MAPKAP1: variants seen among roughly 807,000 people sequenced by gnomAD.
MAPKAP1 encodes the protein target of rapamycin complex 2 subunit MAPKAP1.
Under a neutral mutation model 65.7 loss-of-function variants are expected in MAPKAP1, and 20 were observed. That is an observed-to-expected ratio of 0.30 (90% CI 0.21 to 0.44). The LOEUF (loss-of-function observed/expected upper bound fraction) is 0.44. Ranked by LOEUF, MAPKAP1 falls within the 20% of genes least tolerant of loss-of-function variation. The probability of loss-of-function intolerance (pLI) is 1.00; values close to 1 mark genes in which losing one functional copy is unlikely to be tolerated. For synonymous variants in MAPKAP1, 222 were observed against 244.3 expected, an observed-to-expected ratio of 0.91 and a Z score of 0.85; for missense variants, 423 against 648.0, an observed-to-expected ratio of 0.65 and a Z score of 3.77.
chr9:125,622,003 G>A (rs1004408311), intron 4 of MAPKAP1, among the ~76,000 whole-genome samples: 1 of 152,156 alleles, frequency 6.6e-6, no homozygotes, highest in African/African-American at 2.4e-5. Flanking sequence ...GAGTCTGGAG[G>A]ACATTATGTT....
At chr9:125,441,610 C>T (rs1202360707) in intron 11 of MAPKAP1, among the ~76,000 whole-genome samples, 1 of 152,152 alleles carries the variant, frequency 6.6e-6, no homozygotes, top group Non-Finnish European at 1.5e-5. Context: ...CAATTTCCAT[C>T]TAAGCTCTCA....
chr9:125,468,812 T>C lies in MAPKAP1; in HGVS notation c.1208-703A>G, dbSNP rs571436852. On this transcript the variant is annotated intron_variant, in intron 9 of 11. Coordinates refer to ENST00000265960, the MANE Select transcript of MAPKAP1 (RefSeq NM_001006617.3). ...GGGTGTGAGTTTTACGCAACAGGAA[T>C]CCAGAATGTTCAATACTGGCACTTC... is the stretch of plus-strand genomic sequence containing the variant. Among the ~76,000 whole-genome samples, 11 of 152,294 alleles carry C rather than the reference T, an allele frequency of 7.2e-5. 1 individual carries two copies. Among genetic ancestry groups the C allele is most frequent in the African/African-American group, 2.6e-4 (11 of 41,554 alleles).
intron 5 of MAPKAP1, among the ~76,000 whole-genome samples, chr9:125,566,106 G>A (rs188883045): frequency 1.3e-3 from 199 of 152,298 alleles, no homozygotes; most frequent in Admixed American, 3.1e-3. Context: ...GGCATGGCAA[G>A]GGTAGAGAAT....
At chr9:125,646,371 G>A (rs550823320) in intron 4 of MAPKAP1, among the ~76,000 whole-genome samples, 2 of 152,266 alleles carry the variant, frequency 1.3e-5, no homozygotes, top group East Asian at 3.9e-4. Context: ...GAGGCCATGA[G>A]TCTCACAAAT....
At chr9:125,464,204 T>TTAAAAAAAAAAAAA (rs1554805633) in intron 10 of MAPKAP1, among the ~76,000 whole-genome samples, 1 of 83,300 alleles carries the variant, frequency 1.2e-5, no homozygotes, top group Non-Finnish European at 2.3e-5. Context: ...TCTCATATAT[T>TTAAAAAAAAAAAAA]AAAAAAAAAA....
At chr9:125,588,382 G>A (rs1287394413) in intron 4 of MAPKAP1, among the ~76,000 whole-genome samples, 2 of 152,144 alleles carry the variant, frequency 1.3e-5, no homozygotes, top group Admixed American at 1.3e-4. Context: ...GTAGATTAGC[G>A]GTTGGCAGAA....
At chr9:125,655,056 T>C (rs1031750286) in intron 4 of MAPKAP1, among the ~76,000 whole-genome samples, 4 of 152,110 alleles carry the variant, frequency 2.6e-5, no homozygotes, top group South Asian at 2.1e-4. Flanking sequence ...TTGTGAATAT[T>C]TGGAGGGGGA....
At chr9:125,513,160 C>T (rs1829357493) in intron 7 of MAPKAP1, 1 of 152,322 alleles carries the variant, frequency 6.6e-6, no homozygotes, top group South Asian at 2.1e-4. Context: ...CCTCCCATAT[C>T]AGCCTCCTGA....
chr9:125,589,474 G>A (rs1672483945), intron 4 of MAPKAP1, among the ~76,000 whole-genome samples: 1 of 152,182 alleles, frequency 6.6e-6, no homozygotes, highest in African/African-American at 2.4e-5. Flanking sequence ...TGACTCCAGT[G>A]CCTGCCAGGA....
At position 125,707,102 on chromosome 9, in the gene MAPKAP1, C is replaced by T. The variant is rs1358085583; in HGVS notation, c.-201G>A. The T allele has an allele frequency of 2.5e-6, 1 of 398,178 alleles. No individual in the cohort carries two copies. Among genetic ancestry groups the T allele is most frequent in the Non-Finnish European group, 4.4e-6 (1 of 225,840 alleles). The allele number at this position is 398,178 out of a possible 1,614,324, so 24.7% of individuals were successfully genotyped here. ...TCGGGATCCACGGGGACCGGCGCTC[C>T]TCCCGGCCCGCTCAGCTGCCGCTTC... is the stretch of plus-strand genomic sequence containing the variant. On this transcript the variant is annotated 5_prime_UTR_variant, in exon 1 of 12. Transcript: ENST00000265960.
intron 9 of MAPKAP1, among the ~76,000 whole-genome samples, chr9:125,476,946 T>C (rs1486181841): frequency 6.6e-6 from 1 of 152,172 alleles, no homozygotes; most frequent in Non-Finnish European, 1.5e-5. Flanking sequence ...TGGGCAGCCG[T>C]TATAAACTTG....
intron 7 of MAPKAP1, 94 bp downstream of exon 7, chr9:125,542,965 G>T: frequency 1.1e-6 from 1 of 882,172 alleles, no homozygotes; most frequent in Non-Finnish European, 1.9e-6. Context: ...ACATCTGAAA[G>T]AATCTAGCCA....
At chr9:125,564,849 A>C (rs1831000800) in intron 5 of MAPKAP1, among the ~76,000 whole-genome samples, 1 of 152,168 alleles carries the variant, frequency 6.6e-6, no homozygotes, top group Non-Finnish European at 1.5e-5. Flanking sequence ...AGAGACCTAA[A>C]AGTCCTGTTT....
Position 125,438,077 on chromosome 9 carries a change from C to T in MAPKAP1, c.*810G>A, listed in dbSNP as rs1564510148. 1 of 318,232 alleles carries T rather than the reference C, an allele frequency of 3.1e-6. No individual in the cohort carries two copies. The highest frequency in any genetic ancestry group is 5.7e-6 in the Non-Finnish European group (1 of 175,706). The allele number at this position is 318,232 out of a possible 1,614,324, so 19.7% of individuals were successfully genotyped here. A position where few individuals can be genotyped will look rare whatever the true frequency, so the allele number is the denominator to read the frequency against. ...AGGTGGAACTGCCAGCTGAAACCTA[C>T]ACTTGCTACTTAAGAAACGGAAAGA... On this transcript the variant is annotated 3_prime_UTR_variant, in exon 12 of 12. Coordinates refer to ENST00000265960, the MANE Select transcript of MAPKAP1 (RefSeq NM_001006617.3).
At chr9:125,632,552 C>T (rs1833317071) in intron 4 of MAPKAP1, among the ~76,000 whole-genome samples, 2 of 152,218 alleles carry the variant, frequency 1.3e-5, no homozygotes, top group South Asian at 4.1e-4. Context: ...TTTTCCACTG[C>T]CACCCCCATA....
intron 4 of MAPKAP1, among the ~76,000 whole-genome samples, chr9:125,591,949 C>A (rs1408322075): frequency 6.6e-6 from 1 of 152,128 alleles, no homozygotes; most frequent in Non-Finnish European, 1.5e-5. Flanking sequence ...TTTACGTGTT[C>A]CACCATACAG....
intron 10 of MAPKAP1, among the ~76,000 whole-genome samples, chr9:125,462,203 A>T (rs1330798752): frequency 6.6e-6 from 1 of 152,204 alleles, no homozygotes; most frequent in East Asian, 1.9e-4. Context: ...CCGACGGATA[A>T]GCTGGGGTGT....
chr9:125,516,382 A>C lies in MAPKAP1; in HGVS notation c.959-9965T>G, dbSNP rs559585281. On this transcript the variant is annotated intron_variant, in intron 7 of 11. Coordinates refer to ENST00000265960, the MANE Select transcript of MAPKAP1 (RefSeq NM_001006617.3). ...AAAGACTGGAAGAGGCCTAATTTTT[A>C]GAGCATGTTAAGGACACCAGACACA... Among the ~76,000 whole-genome samples, 6 of 152,364 alleles carry C rather than the reference A, an allele frequency of 3.9e-5. No individual in the cohort carries two copies. The South Asian group carries it at 1.2e-3, about 32-fold the overall frequency.
At chr9:125,464,498 T>C (rs145188952) in intron 10 of MAPKAP1, among the ~76,000 whole-genome samples, 3 of 152,362 alleles carry the variant, frequency 2.0e-5, no homozygotes, top group African/African-American at 7.2e-5. Context: ...ATTTAATTCT[T>C]AATTTCTCAA....
Sources: gnomAD v4.1 joint callset for allele counts (sites outside exome capture counted in the v4.1 genomes callset) on GRCh38, gnomAD v4.1.1 for gene constraint, MANE v1.5 for transcripts, NCBI Gene and HGNC (gene_info 2026-07-23, HGNC 2026-07-21) for gene names.